Variants in RABEPK observed in about 807,000 individuals in gnomAD.
RABEPK encodes Rab9 effector protein with kelch motifs, also known as 40 kDa Rab9 effector protein.
Under a neutral mutation model 34.1 loss-of-function variants are expected in RABEPK, and 27 were observed. The observed-to-expected ratio is 0.79, with a 90% CI of 0.58 to 1.09. RABEPK has a LOEUF of 1.09. RABEPK is among the 50% of genes least tolerant of loss of function. RABEPK has a pLI of 0.00. For synonymous variants in RABEPK, 172 were observed against 169.2 expected (o/e 1.02, Z -0.13); for missense variants, 449 against 462.6 (o/e 0.97, Z 0.27).
intron 5 of RABEPK, 48 bp from the exon 6 acceptor site, chr9:125,227,862 C>A (rs1171971840): frequency 6.7e-7 from 1 of 1,489,098 alleles, no homozygotes; most frequent in Non-Finnish European, 9.0e-7. Flanking sequence ...TTCTCGTGTT[C>A]TTTTTTAATA....
chr9:125,213,286 C>T, intron 3 of RABEPK, 84 bp from the exon 4 acceptor site: 1 of 1,377,078 alleles, frequency 7.3e-7, no homozygotes, highest in Non-Finnish European at 1.0e-6. Context: ...GTTTATGGCC[C>T]TCTTCTCATG....
chr9:125,213,095 T>C (rs1017077961), intron 3 of RABEPK, among the ~76,000 whole-genome samples: 1 of 152,210 alleles, frequency 6.6e-6, no homozygotes, highest in African/African-American at 2.4e-5. Flanking sequence ...CAGCTAAAGC[T>C]ACAAAGTCAA....
In RABEPK at chr9:125,233,927, A is replaced by G; in HGVS notation, c.1066A>G (p.Met356Val). Residue 356 changes from methionine to valine, a missense_variant, in exon 8 of 8, where the codon ATG becomes GTG. By Grantham distance (21) the Met-to-Val change is conservative. Coordinates refer to ENST00000373538, the MANE Select transcript of RABEPK (RefSeq NM_005833.4). ...ACTGCTCTGTTTGGTGTTTGGTGGGATGAATACAGAAGGGGAAATCTATGA... is the reference window on the plus strand; with the variant it reads ...ACTGCTCTGTTTGGTGTTTGGTGGGGTGAATACAGAAGGGGAAATCTATGA... ...ATLLCLVFGG[M>V]NTEGEIYDDC... The G allele has an allele frequency of 6.2e-7, 1 of 1,613,680 alleles. No homozygotes were observed. The highest frequency in any genetic ancestry group is 8.5e-7 in the Non-Finnish European group (1 of 1,179,578).
chr9:125,219,884 C>CA (rs1156573072), intron 4 of RABEPK, among the ~76,000 whole-genome samples: 6 of 152,106 alleles, frequency 3.9e-5, no homozygotes, highest in African/African-American at 1.4e-4. Context: ...CACACCTGGA[C>CA]TCTGGCATCT....
At position 125,233,733 on chromosome 9, in the gene RABEPK, C is replaced by T; in HGVS notation, c.872C>T (p.Pro291Leu). 6.2e-7 allele frequency: 1 copy of T among 1,614,142 alleles called. No individual in the cohort carries two copies. Among genetic ancestry groups the T allele is most frequent in the Non-Finnish European group, 8.5e-7 (1 of 1,180,000 alleles). Residue 291 changes from proline (P) to leucine (L), a missense_variant, in exon 8 of 8, where the codon CCT becomes CTT. Coordinates refer to ENST00000373538, the MANE Select transcript of RABEPK (RefSeq NM_005833.4). Reference sequence around the variant, plus strand: ...CTTAAATTTGATACTCTTCTACCCCCTGGACGATTGGACCATTCCATGTGT... The same window carrying T: ...CTTAAATTTGATACTCTTCTACCCCTTGGACGATTGGACCATTCCATGTGT... ...TLLKFDTLLP[P>L]GRLDHSMCII...
At chr9:125,224,056 A>T (rs529493030) in intron 5 of RABEPK, among the ~76,000 whole-genome samples, 106 of 151,956 alleles carry the variant, frequency 7.0e-4, no homozygotes, top group African/African-American at 2.3e-3. Context: ...TTATCCAGGC[A>T]TGGCGGCAGG....
chr9:125,228,098 A>T, intron 6 of RABEPK, 39 bp downstream of exon 6: 1 of 1,317,100 alleles, frequency 7.6e-7, no homozygotes, highest in Non-Finnish European at 9.8e-7. Flanking sequence ...TAAAATTGTT[A>T]TTTTTATTTA....
At chr9:125,207,818 G>A (rs1244916275) in intron 3 of RABEPK, 97 bp downstream of exon 3, 18 of 1,454,410 alleles carry the variant, frequency 1.2e-5, no homozygotes, top group Non-Finnish European at 1.7e-5. Flanking sequence ...CACCAGCAGG[G>A]TTTTCCTATA....
intron 4 of RABEPK, among the ~76,000 whole-genome samples, chr9:125,219,704 T>A (rs1831192959): frequency 1.3e-5 from 2 of 151,814 alleles, no homozygotes. Flanking sequence ...CACCCCTGGC[T>A]GATTTTTTGT....
chr9:125,215,500 C>T (rs1276911394), intron 4 of RABEPK, among the ~76,000 whole-genome samples: 1 of 151,708 alleles, frequency 6.6e-6, no homozygotes, highest in African/African-American at 2.4e-5. Context: ...TTTGTAGAGA[C>T]AGAGTTTTGC....
chr9:125,207,179 C>T (rs1830278450), intron 2 of RABEPK, among the ~76,000 whole-genome samples: 1 of 151,894 alleles, frequency 6.6e-6, no homozygotes. Flanking sequence ...CAAAAGGTCA[C>T]ACATCTAGGA....
intron 5 of RABEPK, 171 bp downstream of exon 5, chr9:125,220,871 A>C: frequency 1.1e-6 from 1 of 920,806 alleles, no homozygotes. Flanking sequence ...TTGGCATTTA[A>C]AAAGGGATAG....
At chr9:125,220,751 C>T (rs1360915770) in intron 5 of RABEPK, 51 bp downstream of exon 5, 6 of 1,566,390 alleles carry the variant, frequency 3.8e-6, no homozygotes, top group Non-Finnish European at 5.2e-6. Flanking sequence ...CCAGTTTACA[C>T]ATTACCTAAT....
chr9:125,214,860 G>T (rs894097194), intron 4 of RABEPK, among the ~76,000 whole-genome samples: 1 of 144,328 alleles, frequency 6.9e-6, no homozygotes, highest in Non-Finnish European at 1.5e-5. Flanking sequence ...GTGTGATCTC[G>T]GCTCACCACA....
intron 6 of RABEPK, among the ~76,000 whole-genome samples, chr9:125,232,346 G>C (rs541627726): frequency 6.6e-6 from 1 of 152,272 alleles, no homozygotes; most frequent in South Asian, 2.1e-4. Flanking sequence ...TCACATTTCT[G>C]TGTGATCCAA....
chr9:125,206,676 C>T (rs1200528211), intron 2 of RABEPK, among the ~76,000 whole-genome samples: 3 of 152,206 alleles, frequency 2.0e-5, no homozygotes, highest in African/African-American at 7.2e-5. Context: ...TGGCAAGAGC[C>T]CCAGGGCTGT....
At chr9:125,207,004 G>A (rs552353305) in intron 2 of RABEPK, among the ~76,000 whole-genome samples, 24 of 151,598 alleles carry the variant, frequency 1.6e-4, no homozygotes, top group African/African-American at 5.1e-4. Context: ...CAGGAGAATC[G>A]CTTGAACCCG....
intron 2 of RABEPK, 33 bp downstream of exon 2, chr9:125,203,099 AT>A (rs1830008933): frequency 6.3e-7 from 1 of 1,590,434 alleles, no homozygotes; most frequent in African/African-American, 1.3e-5. Context: ...ACAGAAAAGC[AT>A]GAGTTTTTGT....
intron 3 of RABEPK, among the ~76,000 whole-genome samples, chr9:125,211,581 G>C (rs1830593270): frequency 6.6e-6 from 1 of 152,114 alleles, no homozygotes; most frequent in African/African-American, 2.4e-5. Context: ...ACAATTATTT[G>C]GAACTGAGCT....
Sources: allele counts gnomAD v4.1 joint callset (sites outside exome capture counted in the v4.1 genomes callset), GRCh38; gene constraint gnomAD v4.1.1; transcripts MANE v1.5; gene names NCBI Gene and HGNC (gene_info 2026-07-23, HGNC 2026-07-21).